Variants in NECTIN1 observed in about 807,000 individuals in gnomAD.
NECTIN1 encodes the protein nectin cell adhesion molecule 1.
Under a neutral mutation model 48.0 loss-of-function variants are expected in NECTIN1, and 23 were observed. The observed-to-expected ratio is 0.48, with a 90% CI of 0.34 to 0.68. The LOEUF (loss-of-function observed/expected upper bound fraction) is 0.68. NECTIN1 is among the 30% of genes least tolerant of loss of function. The pLI is 0.01. For synonymous variants in NECTIN1, 270 were observed against 288.9 expected, an observed-to-expected ratio of 0.93 and a Z score of 0.66; for missense variants, 591 against 709.9, an observed-to-expected ratio of 0.83 and a Z score of 1.90.
intron 1 of NECTIN1, among the ~76,000 whole-genome samples, chr11:119,719,116 G>T (rs1317889869): frequency 1.3e-5 from 2 of 152,150 alleles, no homozygotes; most frequent in Non-Finnish European, 2.9e-5. Flanking sequence ...CGTCATGTCG[G>T]CCTCCAAAAG....
At position 119,662,101 on chromosome 11, in the gene NECTIN1, G is replaced by A; in HGVS notation, c.*2646C>T. 2.0e-6 allele frequency: 2 copies of A among 985,554 alleles called. No individual in the cohort carries two copies. The highest frequency in any genetic ancestry group is 9.4e-5 in the South Asian group (2 of 21,278). The allele number at this position is 985,554 out of a possible 1,614,324, so 61.1% of individuals were successfully genotyped here. On this transcript the variant is annotated 3_prime_UTR_variant, in exon 6 of 6. Coordinates refer to ENST00000264025, the MANE Select transcript of NECTIN1 (RefSeq NM_002855.5). This position sits in a 1 kb window ranked among gnomAD's most constrained non-coding sequence, Gnocchi z 5.3. The stretch of plus-strand genomic sequence containing the variant: ...CAGGGAGGGCAACAAGAGGCAGGAT[G>A]ACAACTGGGGAGGCCTTGGCACAAT...
downstream of NECTIN1, chr11:119,659,185 G>A (rs1199258816): frequency 1.3e-5 from 2 of 152,386 alleles, no homozygotes; most frequent in East Asian, 3.8e-4. Context: ...CCAGCGTTCG[G>A]AATTCCTTAG....
intron 1 of NECTIN1, among the ~76,000 whole-genome samples, chr11:119,686,240 C>T (rs61901099): frequency 0.022 from 3,350 of 152,318 alleles, 64 homozygotes; most frequent in Middle Eastern, 0.085. Context: ...CACTAGTGCA[C>T]ACCTCCCTCC....
At chr11:119,640,194 C>T (rs1018629929) in intron 5 of NECTIN1, 34 of 663,372 alleles carry the variant, frequency 5.1e-5, no homozygotes, top group African/African-American at 1.4e-4. Flanking sequence ...GATGGAGGCT[C>T]CTCCTCTAGT....
chr11:119,649,268 C>G (rs1258089153), intron 5 of NECTIN1, among the ~76,000 whole-genome samples: 4 of 151,944 alleles, frequency 2.6e-5, no homozygotes, highest in Admixed American at 2.6e-4. Context: ...GTCGTCCCAG[C>G]TACTTGGGAT....
chr11:119,645,307 G>T (rs1864382206), intron 5 of NECTIN1, among the ~76,000 whole-genome samples: 1 of 152,162 alleles, frequency 6.6e-6, no homozygotes. Flanking sequence ...CTGGAGGCAA[G>T]TCTTCCTGGC....
At chr11:119,649,472 G>A (rs1864459304) in intron 5 of NECTIN1, among the ~76,000 whole-genome samples, 1 of 151,790 alleles carries the variant, frequency 6.6e-6, no homozygotes, top group Admixed American at 6.6e-5. Flanking sequence ...TGGATTGCAT[G>A]AGCTCAGGAG....
At chr11:119,667,964 A>C (rs1864802764) in intron 5 of NECTIN1, among the ~76,000 whole-genome samples, 1 of 152,250 alleles carries the variant, frequency 6.6e-6, no homozygotes, top group African/African-American at 2.4e-5. Context: ...AGACAAAAGC[A>C]TCAGAGCCTG....
At chr11:119,643,243 T>C (rs1864351023) in intron 5 of NECTIN1, among the ~76,000 whole-genome samples, 1 of 152,078 alleles carries the variant, frequency 6.6e-6, no homozygotes, top group African/African-American at 2.4e-5. Context: ...GAAAATGAGA[T>C]GTGGGGACAA....
At chr11:119,643,696 C>T (rs1479349382) in intron 5 of NECTIN1, among the ~76,000 whole-genome samples, 1 of 152,256 alleles carries the variant, frequency 6.6e-6, no homozygotes, top group Non-Finnish European at 1.5e-5. Context: ...ATTGAGCCCC[C>T]AGACACTCTC....
intron 1 of NECTIN1, among the ~76,000 whole-genome samples, chr11:119,695,866 G>A (rs1865333730): frequency 6.6e-6 from 1 of 152,194 alleles, no homozygotes; most frequent in Non-Finnish European, 1.5e-5. Context: ...TTACCAGGAG[G>A]GTCCTGGATC....
chr11:119,691,631 T>G (rs1014080750), intron 1 of NECTIN1, among the ~76,000 whole-genome samples: 1 of 152,218 alleles, frequency 6.6e-6, no homozygotes, highest in Non-Finnish European at 1.5e-5. Context: ...AGGCAGAGGC[T>G]TCCTTGTTTT....
intron 1 of NECTIN1, among the ~76,000 whole-genome samples, chr11:119,712,350 TCA>T: frequency 8.5e-6 from 1 of 118,310 alleles, no homozygotes; most frequent in Non-Finnish European, 2.0e-5. Flanking sequence ...CTCCCCCAGT[TCA>T]GGCCCCCGAG....
At chr11:119,728,081 CT>C (rs1420177779) in intron 1 of NECTIN1, among the ~76,000 whole-genome samples, 1 of 152,254 alleles carries the variant, frequency 6.6e-6, no homozygotes, top group African/African-American at 2.4e-5. Context: ...CGCCCTCCCC[CT>C]GGGGCTGTTG....
intron 5 of NECTIN1, among the ~76,000 whole-genome samples, chr11:119,648,265 G>GTGGTGGTGGTGATGGTGGTGATGC (rs1864427816): frequency 3.5e-5 from 1 of 28,710 alleles, no homozygotes; most frequent in African/African-American, 1.1e-4. Context: ...GGTGGTAATA[G>GTGGTGGTGGTGATGGTGGTGATGC]TGGTGGTGGT....
At chr11:119,639,609 C>A (rs1864293801) in intron 6 of NECTIN1, 1 of 556,276 alleles carries the variant, frequency 1.8e-6, no homozygotes, top group Non-Finnish European at 3.2e-6. Context: ...CATGCACCTG[C>A]TCCTCTGAGC....
chr11:119,688,317 C>T (rs10892430), intron 1 of NECTIN1, among the ~76,000 whole-genome samples: 1,741 of 152,272 alleles, frequency 0.011, 23 homozygotes, highest in East Asian at 0.048. Context: ...CTAGAAATCA[C>T]GTGCTCTGGT....
At chr11:119,653,280 A>T (rs1864518012) in intron 5 of NECTIN1, among the ~76,000 whole-genome samples, 1 of 152,254 alleles carries the variant, frequency 6.6e-6, no homozygotes, top group Admixed American at 6.5e-5. Context: ...GCAAGTAAAA[A>T]TGATCACGGT....
intron 1 of NECTIN1, among the ~76,000 whole-genome samples, chr11:119,698,567 A>G (rs1317167909): frequency 6.6e-6 from 1 of 152,184 alleles, no homozygotes; most frequent in Non-Finnish European, 1.5e-5. Context: ...CCCCATAAGG[A>G]GAGAGCAGTG....
Sources: allele counts gnomAD v4.1 joint callset (sites outside exome capture counted in the v4.1 genomes callset), GRCh38; gene constraint gnomAD v4.1.1; non-coding constraint Gnocchi (gnomAD v3.1); transcripts MANE v1.5; gene names NCBI Gene and HGNC (gene_info 2026-07-23, HGNC 2026-07-21).